Variants in GAREM1 observed in about 807,000 individuals in gnomAD.
GAREM1 encodes GRB2 associated regulator of MAPK1 subtype 1, also known as GRB2-associated and regulator of MAPK protein 1.
Under a neutral mutation model 71.3 loss-of-function variants are expected in GAREM1, and 26 were observed. That is an observed-to-expected ratio of 0.36 (90% CI 0.27 to 0.51). The LOEUF is 0.51. Among genes scored for constraint, GAREM1 ranks in the 20% least tolerant of loss-of-function variants. The probability of loss-of-function intolerance (pLI) is 0.95; values close to 1 mark genes in which losing one functional copy is unlikely to be tolerated. For missense variants in GAREM1, 1,026 were observed against 1,103.1 expected, an observed-to-expected ratio of 0.93 and a Z score of 0.99; for synonymous variants, 440 against 433.2, an observed-to-expected ratio of 1.02 and a Z score of -0.20.
chr18:32,401,419 A>T (rs2048314738), intron 1 of GAREM1, among the ~76,000 whole-genome samples: 1 of 151,944 alleles, frequency 6.6e-6, no homozygotes, highest in African/African-American at 2.4e-5. Context: ...TTTTTTAAGT[A>T]CTTACTATGT....
chr18:32,382,339 C>G (rs904364040), intron 2 of GAREM1, among the ~76,000 whole-genome samples: 1 of 151,932 alleles, frequency 6.6e-6, no homozygotes, highest in South Asian at 2.1e-4. Context: ...AAAATGAGGC[C>G]GGATTTCACT....
Position 32,268,403 on chromosome 18 carries a change from C to T in GAREM1, c.2099G>A (p.Ser700Asn). The T allele has an allele frequency of 1.2e-6, 2 of 1,614,202 alleles. No individual in the cohort carries two copies. Among genetic ancestry groups the T allele is most frequent in the Non-Finnish European group, 8.5e-7 (1 of 1,180,026 alleles). Residue 700 changes from serine to asparagine, a missense_variant, in exon 6 of 6, where the codon AGC (serine) becomes AAC (asparagine). By Grantham distance (46) the Ser-to-Asn change is conservative (BLOSUM62 1). Around this residue, in one of 3 missense-constraint regions of GAREM1, gnomAD observed 636 missense variants for 631.2 expected, o/e 1.01. Coordinates refer to ENST00000269209, the MANE Select transcript of GAREM1 (RefSeq NM_001242409.2). ...CACATCTGTGCTCTCCAGAGAGTAG[C>T]TGGCTGACTTGGGACAACCAGAGAC... ...SSVSGCPKSA[S>N]YSLESTDVKS...
In GAREM1 at chr18:32,287,720, G is replaced by A. The variant is rs1276317247; in HGVS notation, c.877C>T (p.Leu293Phe). The part of the protein sequence containing the change: ...VCCVLRNNKI[L>F]PMHFPLHLTV... ...AAGTGCAAAGGAAAGTGCATGGGGA[G>A]GATCTTGTTGTTCCGCAGCACACAG... The change falls in exon 4 of 6, where the codon CTC (leucine) becomes TTC (phenylalanine). Residue 293 changes from leucine (L) to phenylalanine (F), a missense_variant. Leu to Phe is a conservative substitution (Grantham distance 22). This residue lies in a region of GAREM1 where 218 missense variants were observed against 296.8 expected (regional missense o/e 0.73). Coordinates refer to ENST00000269209, the MANE Select transcript of GAREM1 (RefSeq NM_001242409.2). The surrounding 1 kb of genome is among the most constrained non-coding windows in gnomAD (Gnocchi z 5.9). The A allele has an allele frequency of 6.2e-7, 1 of 1,613,970 alleles. No homozygotes were observed. Among genetic ancestry groups the A allele is most frequent in the East Asian group, 2.2e-5 (1 of 44,876 alleles).
chr18:32,464,327 T>C (rs1174664648), intron 1 of GAREM1, among the ~76,000 whole-genome samples: 1 of 152,042 alleles, frequency 6.6e-6, no homozygotes, highest in Non-Finnish European at 1.5e-5. Context: ...CGGTACCATT[T>C]GGTAAAACTC....
intron 1 of GAREM1, among the ~76,000 whole-genome samples, chr18:32,461,558 G>C (rs2048953959): frequency 6.6e-6 from 1 of 152,046 alleles, no homozygotes; most frequent in Non-Finnish European, 1.5e-5. Flanking sequence ...AGGCAGGTGT[G>C]GTGGCAAGTG....
At chr18:32,430,503 G>C (rs921501314) in intron 1 of GAREM1, among the ~76,000 whole-genome samples, 2 of 152,206 alleles carry the variant, frequency 1.3e-5, no homozygotes, top group African/African-American at 4.8e-5. Flanking sequence ...GGGAGTCTCA[G>C]TCTGGAGATC....
At chr18:32,384,158 G>A (rs1004284199) in intron 2 of GAREM1, among the ~76,000 whole-genome samples, 1 of 152,006 alleles carries the variant, frequency 6.6e-6, no homozygotes, top group East Asian at 1.9e-4. Context: ...TGGGTCAGTC[G>A]CTAGAAACCA....
intron 1 of GAREM1, chr18:32,413,019 C>A: frequency 9.4e-6 from 15 of 1,598,878 alleles, no homozygotes; most frequent in East Asian, 2.2e-5. Context: ...GCCCCTGGAG[C>A]GCTTGGTGTT....
At chr18:32,343,255 C>T (rs547309674) in intron 2 of GAREM1, among the ~76,000 whole-genome samples, 12 of 151,150 alleles carry the variant, frequency 7.9e-5, no homozygotes, top group East Asian at 5.8e-4. Flanking sequence ...GAAAAAGCAC[C>T]GTCACTGAGA....
chr18:32,438,243 C>T (rs1448075724), intron 1 of GAREM1, among the ~76,000 whole-genome samples: 1 of 152,174 alleles, frequency 6.6e-6, no homozygotes. Flanking sequence ...TCTGGCAGAG[C>T]GGGTCTGTTT....
intron 2 of GAREM1, among the ~76,000 whole-genome samples, chr18:32,392,275 C>A (rs2048209515): frequency 1.3e-5 from 2 of 151,818 alleles, no homozygotes. Flanking sequence ...GTATCCCAAC[C>A]TCCTAGAACA....
rs1015685409 is a variant in GAREM1, at chr18:32,266,352, C to T, written c.*1519G>A. 12 of 152,138 alleles carry T rather than the reference C, an allele frequency of 7.9e-5. No homozygotes were observed. 9.4% of individuals were successfully genotyped at this position (152,138 alleles called of 1,614,324 possible). Reference sequence around the variant, plus strand: ...ATATAAGTCCATCCTGCAAGTTATGCTGCCGCCTCACTGGCTGACCTTCCT... The same window carrying T: ...ATATAAGTCCATCCTGCAAGTTATGTTGCCGCCTCACTGGCTGACCTTCCT... On this transcript the variant is annotated 3_prime_UTR_variant, in exon 6 of 6. Coordinates refer to ENST00000269209, the MANE Select transcript of GAREM1 (RefSeq NM_001242409.2).
chr18:32,446,345 T>C (rs2048786398), intron 1 of GAREM1, among the ~76,000 whole-genome samples: 4 of 152,108 alleles, frequency 2.6e-5, no homozygotes, highest in Admixed American at 2.6e-4. Flanking sequence ...AGTGTTCACT[T>C]TGTATTATTT....
intron 2 of GAREM1, among the ~76,000 whole-genome samples, chr18:32,336,548 G>A (rs2047597727): frequency 6.6e-6 from 1 of 151,950 alleles, no homozygotes. Flanking sequence ...CCCTCATGCT[G>A]TACTTTCTTC....
chr18:32,431,378 C>T (rs1280191484), intron 1 of GAREM1, among the ~76,000 whole-genome samples: 1 of 152,120 alleles, frequency 6.6e-6, no homozygotes, highest in Admixed American at 6.5e-5. Flanking sequence ...GCCTGTAATC[C>T]CAGCACTTTG....
chr18:32,460,115 TAAAAAAAA>T (rs35244955), intron 1 of GAREM1, among the ~76,000 whole-genome samples: 21 of 133,422 alleles, frequency 1.6e-4, no homozygotes, highest in Non-Finnish European at 3.1e-4. Flanking sequence ...TCATCTTATT[TAAAAAAAA>T]AAAAAAAAAA....
chr18:32,322,786 C>T (rs1195710391), intron 2 of GAREM1, among the ~76,000 whole-genome samples: 3 of 152,142 alleles, frequency 2.0e-5, no homozygotes, highest in East Asian at 1.9e-4. Context: ...TCAGCTCAAA[C>T]GATTTTCATT....
In GAREM1 at chr18:32,266,713, G is replaced by A. The variant is rs970883763; in HGVS notation, c.*1158C>T. 2 of 152,020 alleles carry A rather than the reference G, an allele frequency of 1.3e-5. No homozygotes were observed. Among genetic ancestry groups the A allele is most frequent in the Admixed American group, 1.3e-4 (2 of 15,248 alleles). 9.4% of individuals were successfully genotyped at this position (152,020 alleles called of 1,614,324 possible). On this transcript the variant is annotated 3_prime_UTR_variant, in exon 6 of 6. Coordinates refer to ENST00000269209, the MANE Select transcript of GAREM1 (RefSeq NM_001242409.2). ...TGTAGCATATATAATAATAAAGGCCGGTGCGTCTGATTTCTCAGCTCTCGT... is the reference window on the plus strand; with the variant it reads ...TGTAGCATATATAATAATAAAGGCCAGTGCGTCTGATTTCTCAGCTCTCGT...
intron 2 of GAREM1, among the ~76,000 whole-genome samples, chr18:32,383,886 A>T (rs2048120027): frequency 6.6e-6 from 1 of 152,038 alleles, no homozygotes; most frequent in South Asian, 2.1e-4. Context: ...TTCTGAGTAA[A>T]CAGGCTGAAA....
Sources: allele counts gnomAD v4.1 joint callset (sites outside exome capture counted in the v4.1 genomes callset), GRCh38; gene constraint gnomAD v4.1.1; regional missense constraint gnomAD v4.1.1; non-coding constraint Gnocchi (gnomAD v3.1); transcripts MANE v1.5; gene names NCBI Gene and HGNC (gene_info 2026-07-23, HGNC 2026-07-21).